Variants in RBBP8 observed in about 807,000 individuals in gnomAD.
RBBP8 encodes the protein DNA endonuclease RBBP8.
In RBBP8, 88 loss-of-function variants were observed where a neutral mutation model predicts 108.3. The observed-to-expected ratio is 0.81, with a 90% CI of 0.68 to 0.97. The LOEUF (loss-of-function observed/expected upper bound fraction) is 0.97, where lower values mean the gene tolerates loss of function less well. RBBP8 is among the 50% of genes least tolerant of loss of function. The probability of loss-of-function intolerance (pLI) is 0.00; values close to 1 mark genes in which losing one functional copy is unlikely to be tolerated. For synonymous variants in RBBP8, 332 were observed against 348.2 expected, an observed-to-expected ratio of 0.95 and a Z score of 0.52; for missense variants, 1,023 against 1,049.0, an observed-to-expected ratio of 0.98 and a Z score of 0.34.
At chr18:23,000,460 G>A (rs2045928235) in intron 14 of RBBP8, among the ~76,000 whole-genome samples, 1 of 152,122 alleles carries the variant, frequency 6.6e-6, no homozygotes, top group African/African-American at 2.4e-5. Flanking sequence ...AAGCATGAAA[G>A]GTCGAGCACA....
At chr18:22,982,764 CATGTATTATTGCT>C (rs1286457649) in intron 7 of RBBP8, among the ~76,000 whole-genome samples, 3 of 152,102 alleles carry the variant, frequency 2.0e-5, no homozygotes, top group Non-Finnish European at 4.4e-5. Context: ...GAGTGATTTG[CATGTATTATTGCT>C]ATGTTTTAAT....
chr18:22,967,258 C>T (rs937789122), intron 4 of RBBP8, among the ~76,000 whole-genome samples: 1 of 150,720 alleles, frequency 6.6e-6, no homozygotes, highest in African/African-American at 2.4e-5. Flanking sequence ...CCCAGCTACT[C>T]GGGAGACTGA....
chr18:22,951,902 A>C (rs1003272285), intron 4 of RBBP8, among the ~76,000 whole-genome samples: 2 of 152,234 alleles, frequency 1.3e-5, no homozygotes, highest in African/African-American at 4.8e-5. Flanking sequence ...TCCTAAACAC[A>C]GGAGCTTCTG....
chr18:22,953,298 G>T (rs951298336), intron 4 of RBBP8, among the ~76,000 whole-genome samples: 1 of 152,220 alleles, frequency 6.6e-6, no homozygotes. Flanking sequence ...AGCACAGAAG[G>T]TGGAGCCAGG....
chr18:22,949,771 A>C, intron 4 of RBBP8, 58 bp downstream of exon 4: 1 of 1,250,940 alleles, frequency 8.0e-7, no homozygotes, highest in Non-Finnish European at 1.2e-6. Flanking sequence ...TAAGAAGTAC[A>C]TTGACTTTCA....
Position 23,001,699 on chromosome 18 carries a change from G to A in RBBP8, c.2257G>A (p.Glu753Lys), listed in dbSNP as rs774631370. The change falls in exon 15 of 19, where the codon GAA becomes AAA. Residue 753 changes from glutamate to lysine, a missense_variant. Physicochemically the swap from Glu to Lys is moderately conservative, Grantham distance 56. Coordinates refer to ENST00000327155, the MANE Select transcript of RBBP8 (RefSeq NM_002894.3). Reference sequence around the variant, plus strand: ...CTCCCAAGCAGCAGATGAAGAGGAGGAATTGTCTACTGCCACAAAGAAACT... The same window carrying A: ...CTCCCAAGCAGCAGATGAAGAGGAGAAATTGTCTACTGCCACAAAGAAACT... ...SFSQAADEEE[E>K]LSTATKKLHT... The A allele has an allele frequency of 1.9e-4, 305 of 1,613,870 alleles. 1 individual carries two copies. The highest frequency in any genetic ancestry group is 2.4e-4 in the Non-Finnish European group (286 of 1,179,988).
intron 13 of RBBP8, among the ~76,000 whole-genome samples, 175 bp downstream of exon 13, chr18:22,996,637 AT>A (rs1567988134): frequency 6.6e-6 from 1 of 152,196 alleles, no homozygotes; most frequent in East Asian, 1.9e-4. Context: ...ACTTTATGGT[AT>A]TTTTTAAAGG....
chr18:22,938,403 G>A (rs1910765567), intron 2 of RBBP8, among the ~76,000 whole-genome samples: 1 of 152,058 alleles, frequency 6.6e-6, no homozygotes, highest in Non-Finnish European at 1.5e-5. Context: ...GCCCAGGCTG[G>A]TCTCAAACTC....
chr18:22,921,327 GAC>G (rs1018152291), intron 3 of RBBP8, among the ~76,000 whole-genome samples: 4 of 152,176 alleles, frequency 2.6e-5, no homozygotes, highest in Admixed American at 1.3e-4. Context: ...CCTGTCAGAA[GAC>G]ACAAGAGAAG....
At chr18:22,943,095 AAG>A (rs1234023795) in intron 2 of RBBP8, among the ~76,000 whole-genome samples, 1 of 151,976 alleles carries the variant, frequency 6.6e-6, no homozygotes, top group East Asian at 1.9e-4. Flanking sequence ...AAATTCTAAA[AAG>A]AGAACATTAT....
chr18:22,990,852 A>G lies in RBBP8; in HGVS notation c.808-85A>G, dbSNP rs1915633272. 4 of 1,006,134 alleles carry G rather than the reference A, an allele frequency of 4.0e-6. No homozygotes were observed. In the African/African-American group the frequency reaches 6.5e-5, roughly 16 times the overall value. The allele number at this position is 1,006,134 out of a possible 1,614,324, so 62.3% of individuals were successfully genotyped here. A position where few individuals can be genotyped will look rare whatever the true frequency, so the allele number is the denominator to read the frequency against. On this transcript the variant is annotated intron_variant, in intron 9 of 18. Coordinates refer to ENST00000327155, the MANE Select transcript of RBBP8 (RefSeq NM_002894.3). ...TAGTATATTTTTGAGGTTCATCTAC[A>G]TCATAACATATATCAGTACTTCATC...
At chr18:22,932,986 C>A (rs958218051), upstream of RBBP8, among the ~76,000 whole-genome samples, 4 of 152,240 alleles carry the variant, frequency 2.6e-5, no homozygotes, top group African/African-American at 9.6e-5. Context: ...CCATACCCCC[C>A]ATCAGTTAAT....
intron 2 of RBBP8, among the ~76,000 whole-genome samples, chr18:22,941,241 A>G (rs529568509): frequency 6.6e-6 from 1 of 152,110 alleles, no homozygotes; most frequent in African/African-American, 2.4e-5. Flanking sequence ...GCATGATCGC[A>G]GCTCACTGCA....
In RBBP8 at chr18:22,984,961, C is replaced by T. The variant is rs746539604; in HGVS notation, c.680C>T (p.Thr227Ile). The change falls in exon 8 of 19, where the codon ACT (threonine) becomes ATT (isoleucine). Residue 227 changes from threonine to isoleucine, a missense_variant. Physicochemically the swap from Thr to Ile is moderately conservative, Grantham distance 89 (BLOSUM62 -1). Coordinates refer to ENST00000327155, the MANE Select transcript of RBBP8 (RefSeq NM_002894.3). ...PNENEILVAD[T>I]YDQSQSPMAK... ...GAAAATGAAATTCTAGTAGCTGACA[C>T]TTATGACCAAAGTCAATCTCCAATG... The T allele has an allele frequency of 6.2e-7, 1 of 1,611,826 alleles. No individual in the cohort carries two copies. The highest frequency in any genetic ancestry group is 8.5e-7 in the Non-Finnish European group (1 of 1,178,414).
chr18:22,968,682 C>T, intron 4 of RBBP8, 124 bp from the exon 5 acceptor site: 1 of 736,904 alleles, frequency 1.4e-6, no homozygotes, highest in South Asian at 1.5e-5. Flanking sequence ...ATAATAACAT[C>T]ATTAATCTAG....
chr18:22,996,497 T>G (rs762144450), intron 13 of RBBP8, 35 bp downstream of exon 13: 53 of 1,607,750 alleles, frequency 3.3e-5, no homozygotes, highest in Non-Finnish European at 2.5e-6. Context: ...CTCATTTGAC[T>G]TTTATTCCAA....
At chr18:22,952,947 C>T (rs1423562362) in intron 4 of RBBP8, among the ~76,000 whole-genome samples, 1 of 152,148 alleles carries the variant, frequency 6.6e-6, no homozygotes, top group Non-Finnish European at 1.5e-5. Flanking sequence ...CTTTTTGTTC[C>T]ATCATTCCTA....
At chr18:22,965,128 A>G (rs1913466791) in intron 4 of RBBP8, among the ~76,000 whole-genome samples, 1 of 152,078 alleles carries the variant, frequency 6.6e-6, no homozygotes, top group African/African-American at 2.4e-5. Context: ...TAATTTGATG[A>G]TTGTGACTGT....
At chr18:22,986,492 A>T (rs147994393) in intron 8 of RBBP8, among the ~76,000 whole-genome samples, 2 of 152,316 alleles carry the variant, frequency 1.3e-5, no homozygotes, top group East Asian at 3.9e-4. Flanking sequence ...CTCCCAAGAC[A>T]TTTTGCAGTA....
Sources: gnomAD v4.1 joint callset for allele counts (sites outside exome capture counted in the v4.1 genomes callset) on GRCh38, gnomAD v4.1.1 for gene constraint, MANE v1.5 for transcripts, NCBI Gene and HGNC (gene_info 2026-07-23, HGNC 2026-07-21) for gene names.